Variants in CYSLTR2 observed in about 807,000 individuals in gnomAD.
CYSLTR2 encodes the protein G-protein coupled receptor GPCR21.
For synonymous variants in CYSLTR2, 179 were observed against 160.8 expected (o/e 1.11, Z -0.86); for missense variants, 398 against 411.9 (o/e 0.97, Z 0.29).
chr13:48,691,305 A>G lies in CYSLTR2; in HGVS notation c.-176+4A>G, dbSNP rs1954032728. On this transcript the variant is annotated splice_donor_region_variant and intron_variant, in intron 2 of 4. Coordinates refer to ENST00000682523, the MANE Select transcript of CYSLTR2 (RefSeq NM_001308476.3). ...TATGGAGAGTTCCTCAACAGAGGTA[A>G]TCAATCATCAGCTTCTTTTTCTACA... is the stretch of plus-strand genomic sequence containing the variant. 1 of 152,062 alleles carries G rather than the reference A, an allele frequency of 6.6e-6. No homozygotes were observed. Among genetic ancestry groups the G allele is most frequent in the East Asian group, 1.9e-4 (1 of 5,198 alleles). 9.4% of individuals were successfully genotyped at this position (152,062 alleles called of 1,614,324 possible).
At chr13:48,667,856 G>A (rs939031570) in intron 1 of CYSLTR2, among the ~76,000 whole-genome samples, 1 of 152,322 alleles carries the variant, frequency 6.6e-6, no homozygotes, top group Middle Eastern at 3.4e-3. Context: ...GCAGGGTGGG[G>A]TATTAAAGTA....
chr13:48,689,596 T>C (rs1337798150), intron 1 of CYSLTR2, among the ~76,000 whole-genome samples: 2 of 150,772 alleles, frequency 1.3e-5, no homozygotes, highest in African/African-American at 4.9e-5. Flanking sequence ...GCCTCTGTTC[T>C]GTTCCATTGG....
rs1954594029 is a variant in CYSLTR2, at chr13:48,709,810, G to A, written c.*1952G>A. 1 of 152,214 alleles carries A rather than the reference G, an allele frequency of 6.6e-6. No individual in the cohort carries two copies. Among genetic ancestry groups the A allele is most frequent in the Non-Finnish European group, 1.5e-5 (1 of 68,042 alleles). The allele number at this position is 152,214 out of a possible 1,614,324, so 9.4% of individuals were successfully genotyped here. A position where few individuals can be genotyped will look rare whatever the true frequency, so the allele number is the denominator to read the frequency against. ...AACAAGGAATCCAACGCAGGAGAAA[G>A]TGAAGAGAATTCCCAGGATGTTGGT... is the stretch of plus-strand genomic sequence containing the variant. On this transcript the variant is annotated 3_prime_UTR_variant, in exon 5 of 5. Transcript: ENST00000682523.
At chr13:48,699,803 T>A (rs1259535405) in intron 4 of CYSLTR2, among the ~76,000 whole-genome samples, 1 of 150,812 alleles carries the variant, frequency 6.6e-6, no homozygotes, top group African/African-American at 2.4e-5. Context: ...GAGAGAAGAA[T>A]CAAATAGATG....
intron 4 of CYSLTR2, among the ~76,000 whole-genome samples, chr13:48,704,224 T>C (rs570944638): frequency 6.4e-4 from 97 of 152,310 alleles, no homozygotes; most frequent in African/African-American, 2.3e-3. Context: ...TCTATTCTGC[T>C]ACTATAAGAA....
intron 1 of CYSLTR2, among the ~76,000 whole-genome samples, chr13:48,680,775 T>C (rs1189791840): frequency 6.7e-6 from 1 of 150,040 alleles, no homozygotes; most frequent in Non-Finnish European, 1.5e-5. Context: ...CGATTTTCTT[T>C]TCTTTCTTTC....
At chr13:48,665,927 G>C (rs1231908459) in intron 1 of CYSLTR2, among the ~76,000 whole-genome samples, 1 of 151,970 alleles carries the variant, frequency 6.6e-6, no homozygotes, top group Non-Finnish European at 1.5e-5. Context: ...CTTTGCAATT[G>C]AATGGTTTCC....
At chr13:48,678,341 C>T (rs1953657072) in intron 1 of CYSLTR2, among the ~76,000 whole-genome samples, 1 of 152,098 alleles carries the variant, frequency 6.6e-6, no homozygotes, top group African/African-American at 2.4e-5. Context: ...TGAACACTCA[C>T]TTCTCCTTAA....
chr13:48,698,255 TA>T (rs1355419611), intron 4 of CYSLTR2, among the ~76,000 whole-genome samples: 1 of 152,142 alleles, frequency 6.6e-6, no homozygotes, highest in East Asian at 1.9e-4. Context: ...GAAAAAATGT[TA>T]AAGGCACCCA....
At chr13:48,702,635 CT>C (rs1002136225) in intron 4 of CYSLTR2, among the ~76,000 whole-genome samples, 24 of 152,116 alleles carry the variant, frequency 1.6e-4, no homozygotes, top group African/African-American at 5.8e-4. Flanking sequence ...GGTTTCTATT[CT>C]TTTCTGTTGA....
At position 48,680,922 on chromosome 13, in the gene CYSLTR2, G is replaced by A. The variant is rs1274251156; in HGVS notation, c.-265-10290G>A. Among the ~76,000 whole-genome samples the A allele has an allele frequency of 2.0e-5, 3 of 151,070 alleles. No individual in the cohort carries two copies. The East Asian group carries it at 5.9e-4, about 29-fold the overall frequency. On this transcript the variant is annotated intron_variant, in intron 1 of 4. Transcript: ENST00000682523. Reference sequence around the variant, plus strand: ...TAAAGGTTTCTCAAGAGAAAGTGTCGAACTAAATGGAATTTTGAATGTGGG... The same window carrying A: ...TAAAGGTTTCTCAAGAGAAAGTGTCAAACTAAATGGAATTTTGAATGTGGG...
At chr13:48,702,397 T>G (rs941686319) in intron 4 of CYSLTR2, among the ~76,000 whole-genome samples, 12 of 152,172 alleles carry the variant, frequency 7.9e-5, no homozygotes, top group Non-Finnish European at 1.5e-4. Context: ...ACCCTAGAAC[T>G]TAAAGTAAAA....
intron 1 of CYSLTR2, among the ~76,000 whole-genome samples, chr13:48,670,016 C>T (rs1168641077): frequency 6.6e-6 from 1 of 152,238 alleles, no homozygotes; most frequent in African/African-American, 2.4e-5. Context: ...ATTTGCATTT[C>T]TCTAATGACC....
At chr13:48,683,134 G>A (rs1193559952) in intron 1 of CYSLTR2, among the ~76,000 whole-genome samples, 3 of 152,130 alleles carry the variant, frequency 2.0e-5, no homozygotes, top group Non-Finnish European at 2.9e-5. Context: ...TACCATTGAT[G>A]GGCATTTAGG....
intron 1 of CYSLTR2, among the ~76,000 whole-genome samples, chr13:48,687,422 A>T (rs371495831): frequency 4.6e-5 from 7 of 152,142 alleles, no homozygotes; most frequent in African/African-American, 1.4e-4. Context: ...TCTATCAATC[A>T]TCTATGTATT....
chr13:48,654,571 C>G (rs1277975464), intron 1 of CYSLTR2, among the ~76,000 whole-genome samples: 1 of 151,992 alleles, frequency 6.6e-6, no homozygotes, highest in Non-Finnish European at 1.5e-5. Flanking sequence ...CATTCAGTGT[C>G]TTGTTTTAGG....
At chr13:48,677,263 TAAG>T (rs1471154907) in intron 1 of CYSLTR2, among the ~76,000 whole-genome samples, 1 of 152,186 alleles carries the variant, frequency 6.6e-6, no homozygotes, top group African/African-American at 2.4e-5. Context: ...TGTAAAATTC[TAAG>T]GAGGGTCTCC....
In CYSLTR2 at chr13:48,659,811, C is replaced by T. The variant is rs1161984851; in HGVS notation, c.-266+5794C>T. Among the ~76,000 whole-genome samples, 6 of 152,068 alleles carry T rather than the reference C, an allele frequency of 3.9e-5. No individual in the cohort carries two copies. In the East Asian group the frequency reaches 5.8e-4, roughly 15 times the overall value. On this transcript the variant is annotated intron_variant, in intron 1 of 4. Coordinates refer to ENST00000682523, the MANE Select transcript of CYSLTR2 (RefSeq NM_001308476.3). Reference sequence around the variant, plus strand: ...CAGACATTTGGTGAATAATAGATACCGCCAACCTTTCTAAATACAAGGATG... The same window carrying T: ...CAGACATTTGGTGAATAATAGATACTGCCAACCTTTCTAAATACAAGGATG...
chr13:48,657,259 G>A (rs887208388), intron 1 of CYSLTR2, among the ~76,000 whole-genome samples: 1 of 152,162 alleles, frequency 6.6e-6, no homozygotes, highest in Admixed American at 6.5e-5. Flanking sequence ...TGACTTTGTG[G>A]CAGTACAGTC....
Sources: gnomAD v4.1 joint callset for allele counts (sites outside exome capture counted in the v4.1 genomes callset) on GRCh38, gnomAD v4.1.1 for gene constraint, MANE v1.5 for transcripts, NCBI Gene and HGNC (gene_info 2026-07-23, HGNC 2026-07-21) for gene names.